Variants in C11orf65 observed in about 807,000 individuals in gnomAD.
The protein encoded by C11orf65 is protein MFI.
A neutral mutation model predicts 35.3 loss-of-function variants in C11orf65; 38 were observed. That is an observed-to-expected ratio of 1.08 (90% CI 0.83 to 1.41). The LOEUF (loss-of-function observed/expected upper bound fraction) is 1.41, where lower values mean the gene tolerates loss of function less well. C11orf65 is among the 40% of genes most tolerant of loss of function. The pLI is 0.00. For missense variants in C11orf65, 370 were observed against 367.1 expected, an observed-to-expected ratio of 1.01 and a Z score of -0.06; for synonymous variants, 105 against 114.4, an observed-to-expected ratio of 0.92 and a Z score of 0.53.
intron 2 of C11orf65, among the ~76,000 whole-genome samples, chr11:108,445,064 C>A (rs916408737): frequency 5.9e-5 from 9 of 152,188 alleles, no homozygotes; most frequent in African/African-American, 2.2e-4. Context: ...AGGAGGGGTG[C>A]CTGCCATTGC....
rs1060501700 is a variant in C11orf65, at chr11:108,347,277, A to C, written c.227-11985T>G. The C allele has an allele frequency of 6.3e-7, 1 of 1,599,888 alleles. No homozygotes were observed. The highest frequency in any genetic ancestry group is 8.6e-7 in the Non-Finnish European group (1 of 1,167,320). On this transcript the variant is annotated intron_variant, in intron 2 of 3. Coordinates refer to the C11orf65 transcript ENST00000524755. ...CAGATTGTTTGTTTCTTTTTTCTCCAGTTGGTTACATACTTGGACTTGGTG... is the reference window on the plus strand; with the variant it reads ...CAGATTGTTTGTTTCTTTTTTCTCCCGTTGGTTACATACTTGGACTTGGTG...
At chr11:108,423,251 A>G (rs1307899001) in intron 3 of C11orf65, among the ~76,000 whole-genome samples, 1 of 152,056 alleles carries the variant, frequency 6.6e-6, no homozygotes, top group African/African-American at 2.4e-5. Flanking sequence ...CTCCCCTAGA[A>G]AGGGGGCTGA....
At chr11:108,439,029 G>A (rs1172511364) in intron 2 of C11orf65, among the ~76,000 whole-genome samples, 1 of 151,898 alleles carries the variant, frequency 6.6e-6, no homozygotes, top group East Asian at 1.9e-4. Context: ...AAAACTTTTT[G>A]TGCATCAAAG....
downstream of C11orf65, among the ~76,000 whole-genome samples, chr11:108,329,512 T>G (rs1156621026): frequency 1.3e-5 from 2 of 152,192 alleles, no homozygotes; most frequent in East Asian, 3.9e-4. Context: ...CCTCCTGGAC[T>G]CAATTGATTC....
At chr11:108,377,438 T>C (rs994753401) in intron 2 of C11orf65, among the ~76,000 whole-genome samples, 23 of 152,298 alleles carry the variant, frequency 1.5e-4, no homozygotes, top group African/African-American at 5.5e-4. Context: ...CAACCCTTCA[T>C]GCTAAAAACT....
chr11:108,440,880 A>G (rs1484973104), intron 2 of C11orf65, among the ~76,000 whole-genome samples: 1 of 152,202 alleles, frequency 6.6e-6, no homozygotes, highest in African/African-American at 2.4e-5. Flanking sequence ...AAATAGGAAG[A>G]GCCCCAGTCT....
chr11:108,313,088 A>T (rs2084315257), intron 6 of C11orf65, among the ~76,000 whole-genome samples: 1 of 152,174 alleles, frequency 6.6e-6, no homozygotes, highest in African/African-American at 2.4e-5. Flanking sequence ...TCCCACTCTC[A>T]AACATTGAAA....
intron 1 of C11orf65, 111 bp downstream of exon 1, chr11:108,467,360 G>A (rs533902572): frequency 6.6e-6 from 1 of 152,410 alleles, no homozygotes; most frequent in East Asian, 1.9e-4. Context: ...ATGGTATCAA[G>A]GGTATGGGTT....
rs60928526 is a variant in C11orf65 at position 108,459,726 on chromosome 11, TACACACACAC to T, written c.81+1743_81+1752del. On this transcript the variant is annotated intron_variant, in intron 2 of 8. Coordinates refer to ENST00000393084, the MANE Select transcript of C11orf65 (RefSeq NM_152587.5). ...AGAAGGTGAAAATGTGTCCTCCGTC[TACACACACAC>T]ACACACACACACACACACACACACA... 8.5e-3 allele frequency among the ~76,000 whole-genome samples: 1,180 copies of T among 138,652 alleles called. 4 individuals carry two copies. Among genetic ancestry groups the T allele is most frequent in the Non-Finnish European group, 0.013 (837 of 64,356 alleles). 91.0% of individuals were successfully genotyped at this position (138,652 alleles called of 152,430 possible). A position where few individuals can be genotyped will look rare whatever the true frequency, so the allele number is the denominator to read the frequency against.
intron 8 of C11orf65, 72 bp downstream of exon 8, chr11:108,385,848 T>C: frequency 3.2e-6 from 4 of 1,247,328 alleles, no homozygotes; most frequent in Non-Finnish European, 4.7e-6. Flanking sequence ...GTTAAATGCC[T>C]AGAAATACGT....
intron 3 of C11orf65, among the ~76,000 whole-genome samples, chr11:108,422,216 C>A (rs1292130569): frequency 6.6e-6 from 1 of 152,186 alleles, no homozygotes; most frequent in Admixed American, 6.5e-5. Context: ...GCGTGAGCCA[C>A]CGCGCCTGGC....
intron 5 of C11orf65, among the ~76,000 whole-genome samples, chr11:108,405,761 T>C (rs992603673): frequency 6.6e-6 from 1 of 152,176 alleles, no homozygotes; most frequent in African/African-American, 2.4e-5. Flanking sequence ...TACAGATAGA[T>C]CAACAAAGTA....
rs532215758 is a variant in C11orf65, at chr11:108,391,527, C to T, written c.731+1681G>A. Among the ~76,000 whole-genome samples the T allele has an allele frequency of 2.6e-5, 4 of 152,166 alleles. No homozygotes were observed. In the South Asian group the frequency reaches 8.3e-4, roughly 32 times the overall value. On this transcript the variant is annotated intron_variant, in intron 7 of 8. Coordinates refer to ENST00000393084, the MANE Select transcript of C11orf65 (RefSeq NM_152587.5). ...CCTGATAGCTGGGATTACAGGTGCCCGCCACCAGGCCTGACTAATTTTTGT... is the reference window on the plus strand; with the variant it reads ...CCTGATAGCTGGGATTACAGGTGCCTGCCACCAGGCCTGACTAATTTTTGT...
intron 2 of C11orf65, among the ~76,000 whole-genome samples, chr11:108,358,856 G>A (rs1005547600): frequency 2.0e-5 from 3 of 151,154 alleles, no homozygotes; most frequent in Admixed American, 6.6e-5. Flanking sequence ...AAAATGTAAA[G>A]ACCATCGAGA....
At chr11:108,358,763 C>A (rs1042740462) in intron 2 of C11orf65, among the ~76,000 whole-genome samples, 8 of 148,110 alleles carry the variant, frequency 5.4e-5, no homozygotes, top group Admixed American at 2.7e-4. Context: ...TTTGTCACCA[C>A]CAGGCCTACC....
At chr11:108,433,681 CATTT>C (rs1193844143) in intron 2 of C11orf65, among the ~76,000 whole-genome samples, 2 of 152,152 alleles carry the variant, frequency 1.3e-5, no homozygotes, top group African/African-American at 4.8e-5. Context: ...GTCACAGCAA[CATTT>C]ATTCTGCATT....
intron 7 of C11orf65, among the ~76,000 whole-genome samples, chr11:108,391,244 G>A (rs1020180129): frequency 2.4e-4 from 36 of 152,022 alleles, no homozygotes; most frequent in African/African-American, 8.7e-4. Flanking sequence ...TATTGTAGTT[G>A]AGTAAATATT....
chr11:108,339,169 G>A (rs1351173413), intron 2 of C11orf65, among the ~76,000 whole-genome samples: 1 of 152,178 alleles, frequency 6.6e-6, no homozygotes, highest in African/African-American at 2.4e-5. Context: ...AATTAGGGTG[G>A]CTGGCCCCAT....
intron 3 of C11orf65, among the ~76,000 whole-genome samples, chr11:108,424,304 C>A (rs192834045): frequency 1.7e-3 from 258 of 152,108 alleles, no homozygotes; most frequent in Non-Finnish European, 3.1e-3. Flanking sequence ...GAAAGGACAT[C>A]AGAGATTGAA....
Sources: allele counts gnomAD v4.1 joint callset (sites outside exome capture counted in the v4.1 genomes callset), GRCh38; gene constraint gnomAD v4.1.1; transcripts MANE v1.5; gene names NCBI Gene and HGNC (gene_info 2026-07-23, HGNC 2026-07-21).